UEVLD: variants seen among roughly 807,000 people sequenced by gnomAD.
The protein encoded by UEVLD is UEV and lactate/malate dehyrogenase domains.
A neutral mutation model predicts 58.6 loss-of-function variants in UEVLD; 47 were observed. The ratio of observed to expected loss-of-function variants is 0.80; its 90% CI spans 0.63 to 1.02. UEVLD has a LOEUF of 1.02. Among genes scored for constraint, UEVLD ranks in the 50% least tolerant of loss-of-function variants. The probability of loss-of-function intolerance (pLI) is 0.00; values close to 1 mark genes in which losing one functional copy is unlikely to be tolerated. For synonymous variants in UEVLD, 197 were observed against 195.3 expected (o/e 1.01, Z -0.07); for missense variants, 510 against 550.6 (o/e 0.93, Z 0.74).
chr11:18,566,235 A>T, intron 5 of UEVLD, 112 bp downstream of exon 5: 1 of 1,440,216 alleles, frequency 6.9e-7, no homozygotes, highest in Non-Finnish European at 9.5e-7. Context: ...AAACAGATGT[A>T]CATACGCACA....
chr11:18,562,485 T>C (rs899057550), intron 6 of UEVLD, among the ~76,000 whole-genome samples: 1 of 151,164 alleles, frequency 6.6e-6, no homozygotes, highest in Non-Finnish European at 1.5e-5. Context: ...GAGGTTGCAG[T>C]GAGCTGAGAT....
At chr11:18,552,889 C>T (rs1319961015) in intron 7 of UEVLD, among the ~76,000 whole-genome samples, 4 of 151,768 alleles carry the variant, frequency 2.6e-5, no homozygotes, top group Admixed American at 1.3e-4. Flanking sequence ...GGCGTGGTGG[C>T]TCACCCCTGT....
At chr11:18,554,227 G>A (rs1565120888) in intron 7 of UEVLD, among the ~76,000 whole-genome samples, 1 of 151,922 alleles carries the variant, frequency 6.6e-6, no homozygotes, top group Non-Finnish European at 1.5e-5. Context: ...GAGTAGCTGG[G>A]ATTATAGGCA....
chr11:18,565,131 T>C (rs763791308), intron 5 of UEVLD, 121 bp from the exon 6 acceptor site: 2 of 646,534 alleles, frequency 3.1e-6, no homozygotes, highest in Non-Finnish European at 5.2e-6. Flanking sequence ...TAGTCCATAA[T>C]GGGCAAAAAA....
chr11:18,587,713 A>T (rs1853649310), intron 1 of UEVLD: 1 of 152,276 alleles, frequency 6.6e-6, no homozygotes, highest in Non-Finnish European at 1.5e-5. Flanking sequence ...GAGGCACGAG[A>T]ATCGGCTTGA....
intron 6 of UEVLD, among the ~76,000 whole-genome samples, chr11:18,558,854 G>A (rs1851876837): frequency 6.6e-6 from 1 of 151,878 alleles, no homozygotes; most frequent in South Asian, 2.1e-4. Context: ...GCTTTAACAG[G>A]GCTTAACTCA....
intron 4 of UEVLD, chr11:18,569,963 G>A (rs370616422): frequency 2.7e-5 from 7 of 264,116 alleles, no homozygotes; most frequent in African/African-American, 1.1e-4. Context: ...AGTGGGAAAC[G>A]ACTATAAAAA....
intron 5 of UEVLD, 31 bp downstream of exon 5, chr11:18,566,316 T>G: frequency 6.2e-7 from 1 of 1,612,290 alleles, no homozygotes; most frequent in South Asian, 1.1e-5. Context: ...CTCATAACTC[T>G]CAAGATAATC....
At chr11:18,535,947 C>A (rs1350815505) in intron 10 of UEVLD, among the ~76,000 whole-genome samples, 2 of 152,134 alleles carry the variant, frequency 1.3e-5, no homozygotes, top group East Asian at 3.8e-4. Flanking sequence ...CCATCCTGAC[C>A]AACATGGTGA....
chr11:18,562,965 A>C (rs1852116246), intron 6 of UEVLD, among the ~76,000 whole-genome samples: 1 of 151,862 alleles, frequency 6.6e-6, no homozygotes, highest in African/African-American at 2.4e-5. Flanking sequence ...AAGATCTCTT[A>C]AGCCCAGGAG....
At chr11:18,538,162 C>T (rs1248483114) in intron 9 of UEVLD, among the ~76,000 whole-genome samples, 2 of 152,176 alleles carry the variant, frequency 1.3e-5, no homozygotes, top group African/African-American at 4.8e-5. Flanking sequence ...ACCACTTAGT[C>T]ATGTGTCAGC....
At chr11:18,536,836 T>C (rs1480852171) in intron 9 of UEVLD, 1 of 188,008 alleles carries the variant, frequency 5.3e-6, no homozygotes, top group Non-Finnish European at 1.1e-5. Context: ...GGGAATAATC[T>C]GGTCACCTAT....
In UEVLD at chr11:18,536,461, A is replaced by T; in HGVS notation, c.1069T>A (p.Trp357Arg). The change falls in exon 10 of 12, where the codon TGG becomes AGG. Residue 357 changes from tryptophan to arginine, a missense_variant. Physicochemically the swap from Trp to Arg is moderately radical, Grantham distance 101. Transcript: ENST00000396197. ...CTCACTACTTCTTCTTGGCCACTCCATGTGAGCACTAAAATTAGATGAAGA... is the reference window on the plus strand; with the variant it reads ...CTCACTACTTCTTCTTGGCCACTCCTTGTGAGCACTAAAATTAGATGAAGA... ...GEQGEDKVLTWSGQEEVVSHT... is the reference protein window; with the variant it reads ...GEQGEDKVLTRSGQEEVVSHT... 1 of 1,613,592 alleles carries T rather than the reference A, an allele frequency of 6.2e-7. No homozygotes were observed. Among genetic ancestry groups the T allele is most frequent in the Non-Finnish European group, 8.5e-7 (1 of 1,179,618 alleles).
rs1852512136 is a variant in UEVLD, at chr11:18,570,026, G to C, written c.357+188C>G. 3 of 525,294 alleles carry C rather than the reference G, an allele frequency of 5.7e-6. No individual in the cohort carries two copies. In the African/African-American group the frequency reaches 6.1e-5, roughly 11 times the overall value. The allele number at this position is 525,294 out of a possible 1,614,324, so 32.5% of individuals were successfully genotyped here. ...ACCTGGAGGGAGCAGCTTTGTACAG[G>C]CAGTTGTCATCAGGGTTCTGGGACT... On this transcript the variant is annotated intron_variant, in intron 4 of 11. Transcript: ENST00000396197.
chr11:18,554,792 T>C (rs1851688095), intron 7 of UEVLD, among the ~76,000 whole-genome samples: 1 of 149,958 alleles, frequency 6.7e-6, no homozygotes, highest in Non-Finnish European at 1.5e-5. Context: ...CATGCTCATA[T>C]GTATATATGT....
chr11:18,560,606 A>G (rs1177424268), intron 6 of UEVLD, among the ~76,000 whole-genome samples: 2 of 152,240 alleles, frequency 1.3e-5, no homozygotes, highest in Non-Finnish European at 2.9e-5. Context: ...CAAAACGTTC[A>G]TCAGTAACAA....
chr11:18,543,460 T>C (rs1187830342), intron 9 of UEVLD, among the ~76,000 whole-genome samples: 1 of 152,224 alleles, frequency 6.6e-6, no homozygotes, highest in East Asian at 1.9e-4. Context: ...TTCCCATTCC[T>C]GGAGTGTTTT....
chr11:18,573,158 A>T (rs529376279), intron 3 of UEVLD, among the ~76,000 whole-genome samples: 4 of 152,186 alleles, frequency 2.6e-5, no homozygotes, highest in Non-Finnish European at 1.5e-5. Flanking sequence ...GCATAGTGCC[A>T]ATCAGCGGGA....
At chr11:18,556,714 C>G (rs1404668130) in intron 7 of UEVLD, among the ~76,000 whole-genome samples, 1 of 152,008 alleles carries the variant, frequency 6.6e-6, no homozygotes, top group Admixed American at 6.6e-5. Context: ...AACTCCACAT[C>G]CCCAAATACG....
Sources: gnomAD v4.1 joint callset for allele counts (sites outside exome capture counted in the v4.1 genomes callset) on GRCh38, gnomAD v4.1.1 for gene constraint, MANE v1.5 for transcripts, NCBI Gene and HGNC (gene_info 2026-07-23, HGNC 2026-07-21) for gene names.